CDKAL1: variants seen among roughly 807,000 people sequenced by gnomAD.
CDKAL1 encodes the protein threonylcarbamoyladenosine tRNA methylthiotransferase.
In CDKAL1, 32 loss-of-function variants were observed where a neutral mutation model predicts 68.2. That is an observed-to-expected ratio of 0.47 (90% CI 0.35 to 0.63). The LOEUF (loss-of-function observed/expected upper bound fraction) is 0.63. Ranked by LOEUF, CDKAL1 falls within the 30% of genes least tolerant of loss-of-function variation. CDKAL1 has a pLI of 0.00. For missense variants in CDKAL1, 606 were observed against 696.7 expected (o/e 0.87, Z 1.47); for synonymous variants, 234 against 244.3 (o/e 0.96, Z 0.39).
intron 8 of CDKAL1, among the ~76,000 whole-genome samples, chr6:20,814,011 TG>T (rs921971525): frequency 6.6e-6 from 1 of 152,034 alleles, no homozygotes; most frequent in Non-Finnish European, 1.5e-5. Context: ...ATGGATCACT[TG>T]GGGGAGAATT....
At chr6:20,833,648 AAAC>A (rs1777812792) in intron 8 of CDKAL1, among the ~76,000 whole-genome samples, 2 of 152,162 alleles carry the variant, frequency 1.3e-5, no homozygotes, top group Non-Finnish European at 2.9e-5. Context: ...AAATAATAGA[AAAC>A]AACACATATT....
chr6:20,863,783 T>G (rs1283251621), intron 9 of CDKAL1, among the ~76,000 whole-genome samples: 1 of 152,252 alleles, frequency 6.6e-6, no homozygotes, highest in Non-Finnish European at 1.5e-5. Flanking sequence ...TAGGTAATAT[T>G]TGAAATGAAG....
intron 15 of CDKAL1, among the ~76,000 whole-genome samples, chr6:21,219,292 T>G (rs893247923): frequency 6.6e-6 from 1 of 152,200 alleles, no homozygotes; most frequent in Non-Finnish European, 1.5e-5. Flanking sequence ...ATGTATTATC[T>G]CTAGATGACT....
rs936508217 is a variant in CDKAL1 at position 21,231,076 on chromosome 6, A to G, written c.*37A>G. The G allele has an allele frequency of 6.8e-7, 1 of 1,467,198 alleles. No individual in the cohort carries two copies. 90.9% of individuals were successfully genotyped at this position (1,467,198 alleles called of 1,614,324 possible). On this transcript the variant is annotated 3_prime_UTR_variant, in exon 16 of 16. Transcript: ENST00000274695. ...TGGAAACATCTATAAAGAAGAATAC[A>G]TTTCTAATTAAAATCTTCAATGAAC...
chr6:21,061,622 T>C (rs1191792836), intron 11 of CDKAL1, among the ~76,000 whole-genome samples: 1 of 152,186 alleles, frequency 6.6e-6, no homozygotes, highest in Admixed American at 6.5e-5. Context: ...CATATTCTAG[T>C]AATTTAGAAT....
chr6:20,559,070 C>T (rs1764171311), intron 4 of CDKAL1: 1 of 152,114 alleles, frequency 6.6e-6, no homozygotes. Flanking sequence ...GATGTTTTTC[C>T]ATCTTGGCCC....
chr6:21,022,899 T>C (rs1014747643), intron 11 of CDKAL1, among the ~76,000 whole-genome samples: 1 of 152,188 alleles, frequency 6.6e-6, no homozygotes, highest in African/African-American at 2.4e-5. Flanking sequence ...TTAATGCTGT[T>C]CACAGAGAAC....
chr6:20,863,868 T>G (rs1474255128), intron 9 of CDKAL1, among the ~76,000 whole-genome samples: 1 of 152,234 alleles, frequency 6.6e-6, no homozygotes, highest in African/African-American at 2.4e-5. Flanking sequence ...AAAATTTGAT[T>G]GTTTTTACAT....
intron 8 of CDKAL1, among the ~76,000 whole-genome samples, chr6:20,829,766 G>A (rs1323409949): frequency 6.6e-6 from 1 of 152,216 alleles, no homozygotes; most frequent in South Asian, 2.1e-4. Context: ...CTGAAGAGAT[G>A]TGGGTCTACA....
intron 13 of CDKAL1, among the ~76,000 whole-genome samples, chr6:21,140,636 C>T (rs1027882606): frequency 6.6e-6 from 1 of 152,146 alleles, no homozygotes; most frequent in African/African-American, 2.4e-5. Flanking sequence ...GCATTACGCT[C>T]CCAGGGGCCG....
At chr6:20,928,491 T>C (rs1224485269) in intron 9 of CDKAL1, among the ~76,000 whole-genome samples, 4 of 152,152 alleles carry the variant, frequency 2.6e-5, no homozygotes, top group Non-Finnish European at 5.9e-5. Flanking sequence ...AGGGTATCCT[T>C]AGCTTCCATC....
At chr6:20,730,436 AAGAG>A (rs1772861410) in intron 5 of CDKAL1, among the ~76,000 whole-genome samples, 1 of 142,008 alleles carries the variant, frequency 7.0e-6, no homozygotes, top group African/African-American at 2.5e-5. Flanking sequence ...GGAAGAAAGA[AAGAG>A]AAAGAAAAGA....
At chr6:20,721,157 T>C (rs1002532740) in intron 5 of CDKAL1, among the ~76,000 whole-genome samples, 1 of 113,942 alleles carries the variant, frequency 8.8e-6, no homozygotes, top group Non-Finnish European at 1.7e-5. Flanking sequence ...TTCCCCACCC[T>C]GTGTCCAAGT....
chr6:20,631,356 A>T (rs1322294881), intron 4 of CDKAL1, among the ~76,000 whole-genome samples: 1 of 152,038 alleles, frequency 6.6e-6, no homozygotes, highest in Non-Finnish European at 1.5e-5. Context: ...CTGGTTAGGG[A>T]TCTCAAAGTG....
chr6:21,126,299 C>A (rs992751141), intron 13 of CDKAL1, among the ~76,000 whole-genome samples: 1 of 152,156 alleles, frequency 6.6e-6, no homozygotes, highest in African/African-American at 2.4e-5. Context: ...TATAATGGAG[C>A]GATGCCCCCT....
At chr6:20,932,716 G>T (rs1211748896) in intron 9 of CDKAL1, among the ~76,000 whole-genome samples, 1 of 152,034 alleles carries the variant, frequency 6.6e-6, no homozygotes, top group Admixed American at 6.6e-5. Flanking sequence ...TAGAGAATAT[G>T]ATTTCCTTGC....
At chr6:20,749,220 T>A (rs1256445652) in intron 6 of CDKAL1, among the ~76,000 whole-genome samples, 1 of 152,202 alleles carries the variant, frequency 6.6e-6, no homozygotes, top group African/African-American at 2.4e-5. Flanking sequence ...CTCCAGTGGC[T>A]TTCATTTGCA....
intron 9 of CDKAL1, among the ~76,000 whole-genome samples, chr6:20,901,813 G>A (rs1761994666): frequency 6.7e-6 from 1 of 150,260 alleles, no homozygotes; most frequent in African/African-American, 2.5e-5. Context: ...GTCTCTCTCT[G>A]TCATCCAGGC....
chr6:21,177,664 C>CTTTTTTTT (rs1206776350), intron 13 of CDKAL1, among the ~76,000 whole-genome samples: 1 of 138,418 alleles, frequency 7.2e-6, no homozygotes, highest in Non-Finnish European at 1.6e-5. Flanking sequence ...TTCCTCTGAT[C>CTTTTTTTT]TTTTTTTTTT....
Sources: gnomAD v4.1 joint callset for allele counts (sites outside exome capture counted in the v4.1 genomes callset) on GRCh38, gnomAD v4.1.1 for gene constraint, MANE v1.5 for transcripts, NCBI Gene and HGNC (gene_info 2026-07-23, HGNC 2026-07-21) for gene names.